The following CLEC6A variants were observed in gnomAD, a reference collection of about 807,000 sequenced individuals.
CLEC6A encodes C-type lectin domain containing 6A, also known as C-type lectin domain family 6 member A.
In CLEC6A, 22 loss-of-function variants were observed where a neutral mutation model predicts 25.7. The ratio of observed to expected loss-of-function variants is 0.85; its 90% CI spans 0.61 to 1.22. CLEC6A has a LOEUF of 1.22. Ranked by LOEUF, CLEC6A falls within the 50% of genes most tolerant of loss-of-function variation. The pLI, the probability that CLEC6A is intolerant of heterozygous loss-of-function variation, is 0.00. For synonymous variants in CLEC6A, 92 were observed against 76.7 expected (o/e 1.20, Z -1.04); for missense variants, 240 against 236.8 (o/e 1.01, Z -0.09).
chr12:8,469,002 G>C (rs1272996366), intron 4 of CLEC6A, among the ~76,000 whole-genome samples: 1 of 152,120 alleles, frequency 6.6e-6, no homozygotes, highest in African/African-American at 2.4e-5. Flanking sequence ...TTGAACAATT[G>C]CTGTTTGCTG....
In CLEC6A at chr12:8,473,293, C is replaced by CTTT. The variant is rs1939930042; in HGVS notation, c.370-2832_370-2831insTTT. ...ACAGGCGTGAGCCACCGCGCCCGGC[C>CTTT]AGCTCCTACTTCTTATAAGTGAGAA... On this transcript the variant is annotated intron_variant, in intron 4 of 5. Transcript: ENST00000382073. Among the ~76,000 whole-genome samples the CTTT allele has an allele frequency of 2.4e-4, 2 of 8,244 alleles. 1 individual carries two copies. The highest frequency in any genetic ancestry group is 8.1e-4 in the Non-Finnish European group (2 of 2,456). The allele number at this position is 8,244 out of a possible 152,430, so 5.4% of individuals were successfully genotyped here. A position where few individuals can be genotyped will look rare whatever the true frequency, so the allele number is the denominator to read the frequency against.
At chr12:8,459,465 CATGGTTTTT>C (rs1939723562) in intron 2 of CLEC6A, 123 bp from the exon 3 acceptor site, 2 of 575,586 alleles carry the variant, frequency 3.5e-6, no homozygotes, top group Admixed American at 5.2e-5. Context: ...AATAATTTGG[CATGGTTTTT>C]ATGGGGCTTG....
At position 8,459,579 on chromosome 12, in the gene CLEC6A, C is replaced by T. The variant is rs1041511458; in HGVS notation, c.122-18C>T. 2.9e-5 allele frequency: 43 copies of T among 1,486,564 alleles called. No homozygotes were observed. The highest frequency in any genetic ancestry group is 3.4e-5 in the Non-Finnish European group (36 of 1,063,734). The allele number at this position is 1,486,564 out of a possible 1,614,324, so 92.1% of individuals were successfully genotyped here. ...GCAAAATAATAGATGGACACTAATC[C>T]TTCTTCTTCCTTTACAGTAACTTAC... On this transcript the variant is annotated intron_variant, in intron 2 of 5. Transcript: ENST00000382073.
intron 4 of CLEC6A, among the ~76,000 whole-genome samples, chr12:8,468,744 A>G (rs1290616260): frequency 1.3e-5 from 2 of 152,206 alleles, no homozygotes; most frequent in African/African-American, 4.8e-5. Context: ...GCATATCTTT[A>G]TTATTAAAAC....
At position 8,473,484 on chromosome 12, in the gene CLEC6A, G is replaced by A. The variant is rs114623774; in HGVS notation, c.370-2641G>A. On this transcript the variant is annotated intron_variant, in intron 4 of 5. Coordinates refer to ENST00000382073, the MANE Select transcript of CLEC6A (RefSeq NM_001007033.2). ...TCTTTATCCAATTCACCATTGATAGGCACCTAGGTCGATTCCATGTTTTTA... is the reference window on the plus strand; with the variant it reads ...TCTTTATCCAATTCACCATTGATAGACACCTAGGTCGATTCCATGTTTTTA... Among the ~76,000 whole-genome samples, 817 of 152,132 alleles carry A rather than the reference G, an allele frequency of 5.4e-3. 8 individuals carry two copies. The highest frequency in any genetic ancestry group is 0.018 in the African/African-American group (759 of 41,502).
chr12:8,472,135 T>A (rs896604207), intron 4 of CLEC6A, among the ~76,000 whole-genome samples: 2 of 152,194 alleles, frequency 1.3e-5, no homozygotes, highest in African/African-American at 4.8e-5. Context: ...CCAATCAGCC[T>A]GGGTATAGAT....
chr12:8,474,039 T>G (rs1939940237), intron 4 of CLEC6A, among the ~76,000 whole-genome samples: 1 of 152,116 alleles, frequency 6.6e-6, no homozygotes, highest in African/African-American at 2.4e-5. Flanking sequence ...GTTTGCTCCA[T>G]TGATAGTTTC....
intron 4 of CLEC6A, among the ~76,000 whole-genome samples, chr12:8,466,580 C>T (rs1939833004): frequency 6.6e-6 from 1 of 151,914 alleles, no homozygotes; most frequent in African/African-American, 2.4e-5. Context: ...AGTGACAATC[C>T]TAATGGATGT....
chr12:8,462,240 A>T (rs1048985758), intron 3 of CLEC6A, among the ~76,000 whole-genome samples: 2 of 148,986 alleles, frequency 1.3e-5, no homozygotes, highest in Non-Finnish European at 3.0e-5. Context: ...GGCCGCAGGG[A>T]CCTCTGCCTA....
At chr12:8,464,999 T>C (rs1317936684) in intron 3 of CLEC6A, among the ~76,000 whole-genome samples, 3 of 152,200 alleles carry the variant, frequency 2.0e-5, no homozygotes, top group Non-Finnish European at 4.4e-5. Context: ...TCATTGAGGC[T>C]CAAGAAGGTT....
chr12:8,467,383 G>T (rs1479689260), intron 4 of CLEC6A, among the ~76,000 whole-genome samples: 3 of 152,174 alleles, frequency 2.0e-5, no homozygotes, highest in Non-Finnish European at 4.4e-5. Flanking sequence ...GTAAGGTAAG[G>T]ATTCAACTTG....
intron 4 of CLEC6A, 103 bp downstream of exon 4, chr12:8,465,732 T>G: frequency 1.1e-6 from 1 of 926,662 alleles, no homozygotes; most frequent in Non-Finnish European, 1.5e-6. Flanking sequence ...GCATTTACTA[T>G]TTTCACATTA....
chr12:8,460,098 G>A (rs1227234536), intron 3 of CLEC6A, among the ~76,000 whole-genome samples: 2 of 152,170 alleles, frequency 1.3e-5, no homozygotes, highest in African/African-American at 2.4e-5. Flanking sequence ...GGTCAAATTG[G>A]TTCAGGATGA....
At chr12:8,473,744 TTTTTGAC>T (rs1939936633) in intron 4 of CLEC6A, among the ~76,000 whole-genome samples, 1 of 152,158 alleles carries the variant, frequency 6.6e-6, no homozygotes, top group Non-Finnish European at 1.5e-5. Context: ...GCATGTGCTG[TTTTTGAC>T]TTTTAAGTAA....
chr12:8,470,740 G>T (rs1420004021), intron 4 of CLEC6A, among the ~76,000 whole-genome samples: 1 of 152,062 alleles, frequency 6.6e-6, no homozygotes, highest in African/African-American at 2.4e-5. Context: ...ACTTTGGGGA[G>T]TCAGGGGAAA....
intron 1 of CLEC6A, among the ~76,000 whole-genome samples, chr12:8,457,249 G>A (rs4242888): frequency 0.75 from 114,409 of 152,116 alleles, 43,471 homozygotes; most frequent in East Asian, 0.99. Flanking sequence ...CCTGGCCTCT[G>A]GTAACCACCA....
chr12:8,476,512 T>G (rs943757124), intron 5 of CLEC6A, among the ~76,000 whole-genome samples: 1 of 152,112 alleles, frequency 6.6e-6, no homozygotes, highest in Admixed American at 6.6e-5. Flanking sequence ...ATTCCAGAGA[T>G]GGTGCTCTAA....
At chr12:8,464,279 A>T (rs1270955225) in intron 3 of CLEC6A, among the ~76,000 whole-genome samples, 2 of 152,156 alleles carry the variant, frequency 1.3e-5, no homozygotes, top group Non-Finnish European at 2.9e-5. Flanking sequence ...ATAAAAAAAT[A>T]AGCCCAAGAA....
intron 3 of CLEC6A, chr12:8,461,268 C>A: frequency 1.8e-6 from 1 of 567,846 alleles, no homozygotes; most frequent in Non-Finnish European, 3.1e-6. Context: ...ACCTAATAAG[C>A]AATTTAGGAC....
Sources: gnomAD v4.1 joint callset for allele counts (sites outside exome capture counted in the v4.1 genomes callset) on GRCh38, gnomAD v4.1.1 for gene constraint, MANE v1.5 for transcripts, NCBI Gene and HGNC (gene_info 2026-07-23, HGNC 2026-07-21) for gene names.